The following PFKP variants were observed in gnomAD, a reference collection of about 807,000 sequenced individuals.
PFKP encodes phosphofructokinase, platelet.
In PFKP, 101 loss-of-function variants were observed where a neutral mutation model predicts 94.3. The observed-to-expected ratio is 1.07, with a 90% CI of 0.91 to 1.26. The LOEUF (loss-of-function observed/expected upper bound fraction) is 1.26, where lower values mean the gene tolerates loss of function less well. Among genes scored for constraint, PFKP ranks in the 50% most tolerant of loss-of-function variants. The probability of loss-of-function intolerance (pLI) is 0.00; values close to 1 mark genes in which losing one functional copy is unlikely to be tolerated. For missense variants in PFKP, 1,145 were observed against 1,103.3 expected (o/e 1.04, Z -0.53); for synonymous variants, 573 against 432.6 (o/e 1.32, Z -4.03).
In PFKP at chr10:3,128,852, G is replaced by A. The variant is rs528122676; in HGVS notation, c.1684-967G>A. Among the ~76,000 whole-genome samples the A allele has an allele frequency of 7.2e-5, 11 of 152,312 alleles. 1 individual carries two copies. The East Asian group carries it at 2.1e-3, about 29-fold the overall frequency. ...TGCTCTCCCGCCCACCACTGTGCCG[G>A]AATGTGATGCACACAGCGGCCAGCA... On this transcript the variant is annotated intron_variant, in intron 16 of 21. Transcript: ENST00000381125.
In PFKP at chr10:3,112,233, G is replaced by C; in HGVS notation, c.1101G>C (p.Val367=). The change falls in exon 11 of 22, where the codon GTG becomes GTC. Residue 367 remains valine, a synonymous_variant. Coordinates refer to ENST00000381125, the MANE Select transcript of PFKP (RefSeq NM_002627.5). Reference sequence around the variant, plus strand: ...CATTGTTTTAAAAGACTCAGGATGTGCAGAAGGCGATGGACGAGAGGAGAT... The same window carrying C: ...CATTGTTTTAAAAGACTCAGGATGTCCAGAAGGCGATGGACGAGAGGAGAT... The part of the protein sequence containing the change: ...LMECVQMTQD[V]QKAMDERRFQ... 6.2e-7 allele frequency: 1 copy of C among 1,613,428 alleles called. No individual in the cohort carries two copies. The highest frequency in any genetic ancestry group is 1.1e-5 in the South Asian group (1 of 91,072).
intron 16 of PFKP, among the ~76,000 whole-genome samples, chr10:3,122,383 A>G (rs1837516119): frequency 2.0e-5 from 3 of 151,000 alleles, no homozygotes; most frequent in Non-Finnish European, 1.5e-5. Context: ...AAAGCCGCTG[A>G]GGGTCCCTCT....
At chr10:3,135,415 T>G (rs1015229651) in intron 20 of PFKP, among the ~76,000 whole-genome samples, 7 of 150,600 alleles carry the variant, frequency 4.6e-5, no homozygotes, top group Non-Finnish European at 1.0e-4. Flanking sequence ...TGCCTCTCAG[T>G]GTGTGTATGT....
At chr10:3,117,523 T>C (rs1836956700) in intron 14 of PFKP, among the ~76,000 whole-genome samples, 1 of 152,208 alleles carries the variant, frequency 6.6e-6, no homozygotes, top group African/African-American at 2.4e-5. Context: ...TAATTCCGGC[T>C]TATTGTTCCA....
rs1835957482 is a variant in PFKP, at chr10:3,109,536, C to T, written c.1089+56C>T. The T allele has an allele frequency of 2.3e-5, 36 of 1,577,476 alleles. No individual in the cohort carries two copies. The South Asian group carries it at 3.4e-4, about 15-fold the overall frequency. ...GCGGAGACGGCTGGGACAGAAGCTG[C>T]TTGTCAGGCCAGCCTGGGCACCTTG... On this transcript the variant is annotated intron_variant, in intron 10 of 21. Transcript: ENST00000381125.
At chr10:3,071,445 T>TTG (rs1554756065) in intron 1 of PFKP, among the ~76,000 whole-genome samples, 1,580 of 138,704 alleles carry the variant, frequency 0.011, 11 homozygotes, top group Non-Finnish European at 0.016. Flanking sequence ...TTTTTTTTTT[T>TTG]TTTTCTTTCT....
intron 7 of PFKP, 87 bp downstream of exon 7, chr10:3,105,588 A>G: frequency 1.1e-6 from 1 of 933,116 alleles, no homozygotes; most frequent in South Asian, 1.4e-5. Flanking sequence ...CATTTTAAGC[A>G]AGTGAAAAAA....
rs1329396583 is a variant in PFKP, at chr10:3,133,296, G to A, written c.2004G>A (p.Val668=). 4 of 1,612,866 alleles carry A rather than the reference G, an allele frequency of 2.5e-6. No homozygotes were observed. Among genetic ancestry groups the A allele is most frequent in the Non-Finnish European group, 3.4e-6 (4 of 1,178,834 alleles). The part of the protein sequence containing the change: ...GKGVFDCRKN[V]LGHMQQGGAP... The stretch of plus-strand genomic sequence containing the variant: ...GCGTGTTTGACTGCAGGAAGAACGT[G>A]CTGGGTCACATGCAGCAGGTAGGCC... Residue 668 remains valine (V), a synonymous_variant, in exon 19 of 22, where the codon GTG becomes GTA. Coordinates refer to ENST00000381125, the MANE Select transcript of PFKP (RefSeq NM_002627.5).
rs542759470 is a variant in PFKP at position 3,135,663 on chromosome 10, C to A, written c.2123-73C>A. On this transcript the variant is annotated intron_variant, in intron 20 of 21. Coordinates refer to ENST00000381125, the MANE Select transcript of PFKP (RefSeq NM_002627.5). ...TTCTGAGGAATCTCAGTTCTCATCT[C>A]GCCCCGTGATTCTGCTCCCCCACCT... is the stretch of plus-strand genomic sequence containing the variant. 1.7e-3 allele frequency: 1,509 copies of A among 892,240 alleles called. 37 individuals carry two copies. In the South Asian group the frequency reaches 0.021, roughly 12 times the overall value. The allele number at this position is 892,240 out of a possible 1,614,324, so 55.3% of individuals were successfully genotyped here. A position where few individuals can be genotyped will look rare whatever the true frequency, so the allele number is the denominator to read the frequency against.
At chr10:3,102,436 CAG>C (rs35870724) in intron 4 of PFKP, among the ~76,000 whole-genome samples, 71,111 of 151,310 alleles carry the variant, frequency 0.47, 16,931 homozygotes, top group East Asian at 0.65. Context: ...TGTTTTGAGA[CAG>C]AGTCTTTCTC....
intron 11 of PFKP, 143 bp downstream of exon 11, chr10:3,112,429 T>G (rs1192189038): frequency 1.3e-5 from 9 of 706,416 alleles, no homozygotes; most frequent in Admixed American, 2.1e-5. Context: ...GCACCGCTCT[T>G]GCAGTAGCAG....
At chr10:3,129,574 C>T (rs1037204372) in intron 16 of PFKP, 10 of 505,016 alleles carry the variant, frequency 2.0e-5, no homozygotes, top group Non-Finnish European at 3.5e-5. Context: ...GATGGCCAGG[C>T]CCCCAAAACG....
chr10:3,117,923 G>GT (rs1836997128), intron 14 of PFKP, among the ~76,000 whole-genome samples: 1 of 152,278 alleles, frequency 6.6e-6, no homozygotes, highest in Non-Finnish European at 1.5e-5. Context: ...TGGCCTGAAC[G>GT]TTTTTGCCCT....
chr10:3,101,446 C>A lies in PFKP; in HGVS notation c.346C>A (p.Gln116Lys). 1 of 1,609,858 alleles carries A rather than the reference C, an allele frequency of 6.2e-7. No homozygotes were observed. Residue 116 changes from glutamine to lysine, a missense_variant, in exon 4 of 22, where the codon CAG (glutamine) becomes AAG (lysine). Around this residue, in one of 3 missense-constraint regions of PFKP, gnomAD observed 1,119 missense variants for 1,062.8 expected, o/e 1.05. Transcript: ENST00000381125. ...GRLKAACNLL[Q>K]RGITNLCVIG... ...CCTGAAGGCTGCTTGCAACCTGCTG[C>A]AGCGCGGCATCACCAACCTGTGTGT...
In PFKP at chr10:3,105,444, T is replaced by G; in HGVS notation, c.717T>G (p.Leu239=). The G allele has an allele frequency of 6.2e-7, 1 of 1,613,908 alleles. No homozygotes were observed. Among genetic ancestry groups the G allele is most frequent in the East Asian group, 2.2e-5 (1 of 44,864 alleles). ...ALACGADWVF[L]PESPPEEGWE... is the part of the protein sequence containing the mutation. ...CCTGCGGTGCGGACTGGGTGTTCCT[T>G]CCAGAATCTCCACCAGAGGAAGGCT... is the stretch of plus-strand genomic sequence containing the variant. Residue 239 remains leucine, a synonymous_variant, in exon 7 of 22, where the codon CTT becomes CTG. Transcript: ENST00000381125.
At chr10:3,099,693 C>A (rs528177893) in intron 3 of PFKP, among the ~76,000 whole-genome samples, 1 of 152,318 alleles carries the variant, frequency 6.6e-6, no homozygotes, top group African/African-American at 2.4e-5. Context: ...TTTTGACAAC[C>A]ACGGAAGTTA....
At position 3,136,702 on chromosome 10, in the gene PFKP, T is replaced by A; in HGVS notation, c.*123T>A. ...TTAATACCTAATCGGCGAGTGCCCA[T>A]CTGCCCCACCTGCTCCAGTGCGTGC... On this transcript the variant is annotated 3_prime_UTR_variant, in exon 22 of 22. Transcript: ENST00000381125. 9.8e-7 allele frequency: 1 copy of A among 1,019,720 alleles called. No homozygotes were observed. The highest frequency in any genetic ancestry group is 1.4e-6 in the Non-Finnish European group (1 of 693,076). The allele number at this position is 1,019,720 out of a possible 1,614,324, so 63.2% of individuals were successfully genotyped here.
Position 3,102,114 on chromosome 10 carries a change from A to G in PFKP, c.454+560A>G, listed in dbSNP as rs61059044. Among the ~76,000 whole-genome samples the G allele has an allele frequency of 8.6e-3, 1,279 of 149,526 alleles. 7 individuals carry two copies. Among genetic ancestry groups the G allele is most frequent in the African/African-American group, 0.016 (658 of 41,022 alleles). ...AAAATACAAAAAATTAGCCGGGCGT[A>G]GTGGCGGGCGCCTGTAGTCCCAGCT... On this transcript the variant is annotated intron_variant, in intron 4 of 21. Coordinates refer to ENST00000381125, the MANE Select transcript of PFKP (RefSeq NM_002627.5).
chr10:3,069,457 A>G, intron 1 of PFKP: 1 of 1,412,780 alleles, frequency 7.1e-7, no homozygotes, highest in African/African-American at 1.4e-5. Flanking sequence ...GGCCTTCAGA[A>G]GCAGAGGGAG....
Sources: gnomAD v4.1 joint callset for allele counts (sites outside exome capture counted in the v4.1 genomes callset) on GRCh38, gnomAD v4.1.1 for gene constraint, gnomAD v4.1.1 regional missense constraint, MANE v1.5 for transcripts, NCBI Gene and HGNC (gene_info 2026-07-23, HGNC 2026-07-21) for gene names.